CLU: variants seen among roughly 807,000 people sequenced by gnomAD.
The protein encoded by CLU is aging-associated protein 4.
In CLU, 25 loss-of-function variants were observed where a neutral mutation model predicts 46.4. The ratio of observed to expected loss-of-function variants is 0.54; its 90% CI spans 0.39 to 0.75. The LOEUF (loss-of-function observed/expected upper bound fraction) is 0.75. Among genes scored for constraint, CLU ranks in the 30% least tolerant of loss-of-function variants. CLU has a pLI of 0.00. For missense variants in CLU, 504 were observed against 592.1 expected (o/e 0.85, Z 1.54); for synonymous variants, 235 against 235.1 (o/e 1.00, Z 0.00).
At chr8:27,610,318 A>G (rs1239393603) in intron 2 of CLU, among the ~76,000 whole-genome samples, 157 bp downstream of exon 2, 1 of 152,230 alleles carries the variant, frequency 6.6e-6, no homozygotes, top group Non-Finnish European at 1.5e-5. Context: ...GCTGAGGCTC[A>G]GAGTGGGCCC....
At position 27,600,023 on chromosome 8, in the gene CLU, G is replaced by C; in HGVS notation, c.935-14C>G. 6.2e-7 allele frequency: 1 copy of C among 1,603,490 alleles called. No individual in the cohort carries two copies. Among genetic ancestry groups the C allele is most frequent in the Non-Finnish European group, 8.5e-7 (1 of 1,170,634 alleles). On this transcript the variant is annotated splice_polypyrimidine_tract_variant and intron_variant, in intron 6 of 8. Transcript: ENST00000316403. ...TGGTGGAACAGTCTGCCCAGAGATGGAAGAAACGCAAGTGAGAAGTGTGAA... is the reference window on the plus strand; with the variant it reads ...TGGTGGAACAGTCTGCCCAGAGATGCAAGAAACGCAAGTGAGAAGTGTGAA...
intron 6 of CLU, among the ~76,000 whole-genome samples, chr8:27,603,948 T>G (rs1254387764): frequency 2.0e-5 from 3 of 152,248 alleles, no homozygotes; most frequent in Non-Finnish European, 4.4e-5. Context: ...AGATGCCTAC[T>G]GCGCTTGGCG....
In CLU at chr8:27,598,150, G is replaced by T; in HGVS notation, c.*91C>A. ...GGAGGCTGGGGCCTGGTTACTTGGT[G>T]ACGTGCAGAGCTCTCTCTGGGGGGC... On this transcript the variant is annotated 3_prime_UTR_variant, in exon 9 of 9. Transcript: ENST00000316403. The T allele has an allele frequency of 1.5e-6, 2 of 1,367,260 alleles. No individual in the cohort carries two copies. The highest frequency in any genetic ancestry group is 1.2e-5 in the South Asian group (1 of 84,052). 84.7% of individuals were successfully genotyped at this position (1,367,260 alleles called of 1,614,324 possible).
Position 27,605,141 on chromosome 8 carries a change from G to T in CLU, c.612C>A (p.Tyr204Ter), listed in dbSNP as rs1410052189. Residue 204 changes from tyrosine (Y) to a stop codon, truncating the protein, a stop_gained, in exon 5 of 9, where the codon TAC becomes TAA. Coordinates refer to ENST00000316403, the MANE Select transcript of CLU (RefSeq NM_001831.4). LOFTEE classifies it high-confidence loss of function. ...GGGGCAGGCTGAAGGGCAGGTAGTG[G>T]TAGGTATCCTGGGGCTCCCGGGTGA... ...RFFTREPQDT[Y>*]HYLPFSLPHR... 1 of 1,614,080 alleles carries T rather than the reference G, an allele frequency of 6.2e-7. No individual in the cohort carries two copies. Among genetic ancestry groups the T allele is most frequent in the Non-Finnish European group, 8.5e-7 (1 of 1,180,044 alleles).
rs1800633972 is a variant in CLU, at chr8:27,597,885, A to G, written c.*356T>C. 1 of 521,734 alleles carries G rather than the reference A, an allele frequency of 1.9e-6. No homozygotes were observed. 32.3% of individuals were successfully genotyped at this position (521,734 alleles called of 1,614,324 possible). On this transcript the variant is annotated 3_prime_UTR_variant, in exon 9 of 9. Coordinates refer to ENST00000316403, the MANE Select transcript of CLU (RefSeq NM_001831.4). ...TGACAGTCCCTATACCATCTTAGCC[A>G]CTGCTTTTTTGTTTCTACTTATTTT... is the stretch of plus-strand genomic sequence containing the variant.
chr8:27,598,952 T>G, intron 7 of CLU: 1 of 282,484 alleles, frequency 3.5e-6, no homozygotes, highest in Non-Finnish European at 6.7e-6. Context: ...AGAAAAGGAA[T>G]CCAGAGGGCC....
rs368909826 is a variant in CLU at position 27,605,113 on chromosome 8, G to A, written c.640C>T (p.Arg214Trp). 1.9e-5 allele frequency: 30 copies of A among 1,614,028 alleles called. No homozygotes were observed. The highest frequency in any genetic ancestry group is 2.4e-5 in the Non-Finnish European group (28 of 1,180,040). The part of the protein sequence containing the change: ...YHYLPFSLPH[R>W]RPHFFFPKSR... The stretch of plus-strand genomic sequence containing the variant: ...TTGGGAAAGAAGAAGTGAGGCCTCC[G>A]GTGGGGCAGGCTGAAGGGCAGGTAG... Residue 214 changes from arginine to tryptophan, a missense_variant, in exon 5 of 9, where the codon CGG (arginine) becomes TGG (tryptophan). Arg to Trp is a moderately radical substitution (Grantham distance 101, BLOSUM62 -3). Around this residue, in one of 3 missense-constraint regions of CLU, gnomAD observed 428 missense variants for 484.0 expected, o/e 0.88. Transcript: ENST00000316403.
Position 27,605,275 on chromosome 8 carries a change from C to T in CLU, c.478G>A (p.Asp160Asn), listed in dbSNP as rs1800801175. Residue 160 changes from aspartate (D) to asparagine (N), a missense_variant, in exon 5 of 9, where the codon GAC becomes AAC. This residue lies in a region of CLU where 428 missense variants were observed against 484.0 expected (regional missense o/e 0.88). Transcript: ENST00000316403. ...TGCCGGTCGTTCTCCAGCAGGGAGT[C>T]GATGCGGTCACCATTCATCCAGAAG... ...FYFWMNGDRI[D>N]SLLENDRQQT... The T allele has an allele frequency of 3.1e-6, 5 of 1,614,160 alleles. No homozygotes were observed. The South Asian group carries it at 3.3e-5, about 11-fold the overall frequency.
intron 1 of CLU, among the ~76,000 whole-genome samples, chr8:27,612,689 A>G (rs1463006142): frequency 6.6e-6 from 1 of 152,054 alleles, no homozygotes; most frequent in Non-Finnish European, 1.5e-5. Flanking sequence ...GGAATGTTCT[A>G]GAACCGTGAC....
intron 1 of CLU, 186 bp downstream of exon 1, chr8:27,614,469 C>G (rs1052386785): frequency 1.5e-5 from 5 of 336,196 alleles, no homozygotes; most frequent in South Asian, 2.5e-5. Flanking sequence ...CGCCGGGGCC[C>G]CTGGCTCAGC....
rs1272596716 is a variant in CLU, at chr8:27,610,450, GGAACATCAT to G, written c.97+16_97+24del. 2 of 1,588,044 alleles carry G rather than the reference GGAACATCAT, an allele frequency of 1.3e-6. No individual in the cohort carries two copies. Among genetic ancestry groups the G allele is most frequent in the Non-Finnish European group, 1.7e-6 (2 of 1,156,490 alleles). The stretch of plus-strand genomic sequence containing the variant: ...CTGACCTCATCACCCTGTGGCCAGA[GGAACATCAT>G]GCTTGGTCTACTCACCCTGGAGCTC... On this transcript the variant is annotated intron_variant, in intron 2 of 8. Coordinates refer to ENST00000316403, the MANE Select transcript of CLU (RefSeq NM_001831.4).
At position 27,598,470 on chromosome 8, in the gene CLU, T is replaced by G. The variant is rs201231022; in HGVS notation, c.1330A>C (p.Lys444Gln). Reference protein sequence around the residue: ...VAEKALQEYRKKHREE With the variant: ...VAEKALQEYRQKHREE The stretch of plus-strand genomic sequence containing the variant: ...GGCCCGCCTGCTTACCGGTGCTTTT[T>G]GCGGTATTCCTGCAGCGCTTTCTCC... The change falls in exon 8 of 9, where the codon AAA (lysine) becomes CAA (glutamine). Residue 444 changes from lysine (K) to glutamine (Q), a missense_variant. Coordinates refer to ENST00000316403, the MANE Select transcript of CLU (RefSeq NM_001831.4). 7.4e-5 allele frequency: 119 copies of G among 1,613,942 alleles called. No homozygotes were observed. In the Middle Eastern group the frequency reaches 1.6e-3, roughly 22 times the overall value.
In CLU at chr8:27,605,230, C is replaced by A; in HGVS notation, c.523G>T (p.Val175Phe). The change falls in exon 5 of 9, where the codon GTC becomes TTC. Residue 175 changes from valine to phenylalanine, a missense_variant. Around this residue, in one of 3 missense-constraint regions of CLU, gnomAD observed 428 missense variants for 484.0 expected, o/e 0.88. Transcript: ENST00000316403. ...GCGCGGCTGAAGTGGTCCTGCATGA[C>A]ATCCAGCATGTGCGTCTGCTGCCGG... is the stretch of plus-strand genomic sequence containing the variant. ...NDRQQTHMLD[V>F]MQDHFSRASS... 2 of 1,614,186 alleles carry A rather than the reference C, an allele frequency of 1.2e-6. No individual in the cohort carries two copies. Among genetic ancestry groups the A allele is most frequent in the Non-Finnish European group, 1.7e-6 (2 of 1,180,028 alleles).
rs759003544 is a variant in CLU at position 27,605,217 on chromosome 8, T to G, written c.536A>C (p.His179Pro). 3 of 1,614,176 alleles carry G rather than the reference T, an allele frequency of 1.9e-6. No homozygotes were observed. The highest frequency in any genetic ancestry group is 2.5e-6 in the Non-Finnish European group (3 of 1,180,036). The change falls in exon 5 of 9, where the codon CAC becomes CCC. Residue 179 changes from histidine (H) to proline (P), a missense_variant. Around this residue, in one of 3 missense-constraint regions of CLU, gnomAD observed 428 missense variants for 484.0 expected, o/e 0.88. Transcript: ENST00000316403. The part of the protein sequence containing the change: ...QTHMLDVMQD[H>P]FSRASSIIDE... Reference sequence around the variant, plus strand: ...TATGATGCTGGACGCGCGGCTGAAGTGGTCCTGCATGACATCCAGCATGTG... The same window carrying G: ...TATGATGCTGGACGCGCGGCTGAAGGGGTCCTGCATGACATCCAGCATGTG...
chr8:27,600,227 T>TTTTTTG (rs912908363), intron 6 of CLU, among the ~76,000 whole-genome samples: 1 of 152,066 alleles, frequency 6.6e-6, no homozygotes, highest in Admixed American at 6.6e-5. Context: ...GTCTTTTGGG[T>TTTTTTG]TTTTTGTTTT....
intron 1 of CLU, 99 bp downstream of exon 1, chr8:27,614,556 C>A (rs984089853): frequency 2.8e-5 from 11 of 392,362 alleles, no homozygotes; most frequent in Non-Finnish European, 5.1e-5. Context: ...GTTGTGACTG[C>A]GAGCTGTGTC....
At chr8:27,610,636 G>A in intron 1 of CLU, 36 bp from the exon 2 acceptor site, 1 of 1,543,046 alleles carries the variant, frequency 6.5e-7, no homozygotes, top group Non-Finnish European at 9.0e-7. Context: ...GGAACAGCTA[G>A]ACAGCCTGCT....
chr8:27,610,502 G>T lies in CLU; in HGVS notation c.70C>A (p.Gln24Lys). The change falls in exon 2 of 9, where the codon CAG (glutamine) becomes AAG (lysine). Residue 24 changes from glutamine (Q) to lysine (K), a missense_variant. Physicochemically the swap from Gln to Lys is moderately conservative, Grantham distance 53. This residue lies in a region of CLU where 73 missense variants were observed against 91.2 expected (regional missense o/e 0.80). Coordinates refer to ENST00000316403, the MANE Select transcript of CLU (RefSeq NM_001831.4). Reference sequence around the variant, plus strand: ...TGGAGCTCATTGTCTGAGACCGTCTGGTCCCCCAGGACCTGCCCACTCTCC... The same window carrying T: ...TGGAGCTCATTGTCTGAGACCGTCTTGTCCCCCAGGACCTGCCCACTCTCC... Reference protein sequence around the residue: ...TWESGQVLGDQTVSDNELQEM... With the variant: ...TWESGQVLGDKTVSDNELQEM... 1 of 1,614,132 alleles carries T rather than the reference G, an allele frequency of 6.2e-7. No homozygotes were observed. Among genetic ancestry groups the T allele is most frequent in the Non-Finnish European group, 8.5e-7 (1 of 1,179,942 alleles).
intron 2 of CLU, 90 bp from the exon 3 acceptor site, chr8:27,609,176 T>C: frequency 7.1e-7 from 1 of 1,416,968 alleles, no homozygotes; most frequent in Non-Finnish European, 9.9e-7. Context: ...AAAGGCCCGT[T>C]CAGTTCAGGG....
Sources: gnomAD v4.1 joint callset for allele counts (sites outside exome capture counted in the v4.1 genomes callset) on GRCh38, gnomAD v4.1.1 for gene constraint, gnomAD v4.1.1 regional missense constraint, MANE v1.5 for transcripts, NCBI Gene and HGNC (gene_info 2026-07-23, HGNC 2026-07-21) for gene names.